DPP10: variants seen among roughly 807,000 people sequenced by gnomAD.
DPP10 encodes the protein dipeptidyl peptidase like 10, also known as inactive dipeptidyl peptidase 10.
DPP10 carries 33 observed loss-of-function variants against 120.9 expected under a neutral mutation model. That is an observed-to-expected ratio of 0.27 (90% CI 0.21 to 0.37). The LOEUF (loss-of-function observed/expected upper bound fraction) is 0.37. Ranked by LOEUF, DPP10 falls within the 10% of genes least tolerant of loss-of-function variation. The pLI is 1.00. For synonymous variants in DPP10, 337 were observed against 326.1 expected (o/e 1.03, Z -0.36); for missense variants, 816 against 942.8 (o/e 0.87, Z 1.76).
At chr2:115,697,921 G>T (rs2091683403) in intron 7 of DPP10, among the ~76,000 whole-genome samples, 2 of 152,182 alleles carry the variant, frequency 1.3e-5, no homozygotes, top group Admixed American at 6.5e-5. Flanking sequence ...GGCAGAGCTT[G>T]CAGTGAGCCG....
intron 1 of DPP10, among the ~76,000 whole-genome samples, chr2:115,175,356 AC>A (rs2053618366): frequency 6.6e-6 from 1 of 151,806 alleles, no homozygotes; most frequent in Non-Finnish European, 1.5e-5. Flanking sequence ...TGTCTTGAGA[AC>A]CCATATTTGG....
At chr2:115,655,727 GAT>G (rs1028034911) in intron 5 of DPP10, among the ~76,000 whole-genome samples, 31 of 151,614 alleles carry the variant, frequency 2.0e-4, no homozygotes, top group African/African-American at 7.2e-4. Flanking sequence ...AATATAAAAA[GAT>G]ATTAATCATA....
At chr2:114,771,013 T>C (rs1011177087) in intron 1 of DPP10, among the ~76,000 whole-genome samples, 4 of 152,234 alleles carry the variant, frequency 2.6e-5, no homozygotes, top group Non-Finnish European at 5.9e-5. Context: ...ATGAATGTTA[T>C]GTTTAATTGA....
intron 1 of DPP10, among the ~76,000 whole-genome samples, chr2:114,848,780 C>A (rs1285625925): frequency 1.3e-5 from 2 of 152,130 alleles, no homozygotes; most frequent in African/African-American, 4.8e-5. Flanking sequence ...GCAAAAGTGC[C>A]TACTTATGAT....
chr2:114,663,183 G>A (rs1697561896), intron 1 of DPP10, among the ~76,000 whole-genome samples: 1 of 151,414 alleles, frequency 6.6e-6, no homozygotes, highest in Non-Finnish European at 1.5e-5. Context: ...GGGCTATATC[G>A]TGTTTCCTGC....
chr2:115,305,427 C>A (rs377451459), intron 1 of DPP10, among the ~76,000 whole-genome samples: 32 of 152,078 alleles, frequency 2.1e-4, no homozygotes, highest in African/African-American at 7.5e-4. Context: ...TGTTAACTGA[C>A]GTAAGGAATC....
intron 5 of DPP10, among the ~76,000 whole-genome samples, chr2:115,544,381 A>G (rs970775963): frequency 2.0e-5 from 3 of 151,808 alleles, no homozygotes; most frequent in Non-Finnish European, 4.4e-5. Context: ...AAGTCTTTTC[A>G]TGCCGAGATC....
At chr2:115,717,128 G>A (rs2092521699) in intron 7 of DPP10, among the ~76,000 whole-genome samples, 1 of 152,172 alleles carries the variant, frequency 6.6e-6, no homozygotes, top group South Asian at 2.1e-4. Flanking sequence ...AGAAAGAGTA[G>A]TAAATTCAGC....
At chr2:114,838,737 A>G (rs1687931419) in intron 1 of DPP10, among the ~76,000 whole-genome samples, 3 of 152,192 alleles carry the variant, frequency 2.0e-5, no homozygotes, top group African/African-American at 4.8e-5. Context: ...TTGAGGGGTT[A>G]CCATGGGGGC....
At chr2:114,987,070 G>A (rs923153153) in intron 1 of DPP10, among the ~76,000 whole-genome samples, 1 of 152,094 alleles carries the variant, frequency 6.6e-6, no homozygotes, top group South Asian at 2.1e-4. Context: ...GTGAACCACT[G>A]CACCCGGCCT....
At chr2:114,475,759 AC>A (rs1464243241) in intron 1 of DPP10, among the ~76,000 whole-genome samples, 7 of 152,254 alleles carry the variant, frequency 4.6e-5, no homozygotes, top group Non-Finnish European at 8.8e-5. Context: ...TTTTAAGACA[AC>A]TTTTCCTCTC....
intron 3 of DPP10, among the ~76,000 whole-genome samples, chr2:115,425,365 G>A (rs563761496): frequency 5.8e-4 from 89 of 152,206 alleles, no homozygotes; most frequent in Non-Finnish European, 1.0e-3. Context: ...TAATTTTTAC[G>A]TTGTTTTTGT....
intron 1 of DPP10, among the ~76,000 whole-genome samples, chr2:115,079,333 T>C (rs1708065260): frequency 6.8e-6 from 1 of 147,058 alleles, no homozygotes; most frequent in Non-Finnish European, 1.5e-5. Context: ...TGAGCTGCAC[T>C]CCAGCCTGGG....
chr2:115,840,135 T>G (rs114102018), intron 24 of DPP10, among the ~76,000 whole-genome samples: 1 of 151,432 alleles, frequency 6.6e-6, no homozygotes, highest in Non-Finnish European at 1.5e-5. Context: ...TATAAAAATA[T>G]GTGTACCATT....
At chr2:114,540,330 T>A (rs991757602) in intron 1 of DPP10, among the ~76,000 whole-genome samples, 1 of 152,208 alleles carries the variant, frequency 6.6e-6, no homozygotes, top group African/African-American at 2.4e-5. Flanking sequence ...CTGAGACAGA[T>A]TGTTGTCATC....
intron 1 of DPP10, among the ~76,000 whole-genome samples, chr2:114,972,077 T>A (rs1699436225): frequency 6.6e-6 from 1 of 152,224 alleles, no homozygotes; most frequent in Non-Finnish European, 1.5e-5. Context: ...CCATTTAGAA[T>A]GAGATTGATT....
At chr2:114,852,469 C>T (rs1239655991) in intron 1 of DPP10, among the ~76,000 whole-genome samples, 3 of 151,942 alleles carry the variant, frequency 2.0e-5, no homozygotes, top group Non-Finnish European at 4.4e-5. Flanking sequence ...CTAAATAATA[C>T]AGTATAATAG....
chr2:114,453,029 A>G (rs1473156400), intron 1 of DPP10, among the ~76,000 whole-genome samples: 1 of 152,156 alleles, frequency 6.6e-6, no homozygotes, highest in African/African-American at 2.4e-5. Flanking sequence ...GATGATACAC[A>G]GGGTTGAGTG....
chr2:114,881,498 C>G (rs201732499), intron 1 of DPP10, among the ~76,000 whole-genome samples: 4,882 of 149,102 alleles, frequency 0.033, 331 homozygotes, highest in African/African-American at 0.12. Flanking sequence ...TATCATATCT[C>G]TCTGTCTGTC....
Sources: allele counts gnomAD v4.1 joint callset (sites outside exome capture counted in the v4.1 genomes callset), GRCh38; gene constraint gnomAD v4.1.1; transcripts MANE v1.5; gene names NCBI Gene and HGNC (gene_info 2026-07-23, HGNC 2026-07-21).